The following SEPTIN6 variants were observed in gnomAD, a reference collection of about 807,000 sequenced individuals.
SEPTIN6 encodes the protein septin-6.
A neutral mutation model predicts 33.6 loss-of-function variants in SEPTIN6; 8 were observed. The observed-to-expected ratio is 0.24, with a 90% CI of 0.14 to 0.43. SEPTIN6 has a LOEUF of 0.43. Ranked by LOEUF, SEPTIN6 falls within the 20% of genes least tolerant of loss-of-function variation. The probability of loss-of-function intolerance (pLI) is 1.00; values close to 1 mark genes in which losing one functional copy is unlikely to be tolerated. For missense variants in SEPTIN6, 250 were observed against 340.8 expected (o/e 0.73, Z 2.10); for synonymous variants, 131 against 140.0 (o/e 0.94, Z 0.45).
At chrX:119,654,136 C>T (rs1445855977) in intron 3 of SEPTIN6, among the ~76,000 whole-genome samples, 2 of 111,285 alleles carry the variant, frequency 1.8e-5, no homozygotes, top group Non-Finnish European at 3.8e-5. Context: ...CCTCCGCACA[C>T]CCTGCACACA....
rs1395206214 is a variant in SEPTIN6, at chrX:119,619,367, C to T, written c.*726G>A. On this transcript the variant is annotated 3_prime_UTR_variant, in exon 11 of 11. Transcript: ENST00000394610. ...TTCTCCCTTTTGCATCTGTGGGATA[C>T]CCAGAGTTAGAGAGAGGGGAAACGT... The T allele has an allele frequency of 1.8e-5, 15 of 812,139 alleles. No individual in the cohort carries two copies. Among genetic ancestry groups the T allele is most frequent in the Non-Finnish European group, 2.2e-5 (15 of 676,004 alleles). 66.9% of individuals were successfully genotyped at this position (812,139 alleles called of 1,213,427 possible).
intron 7 of SEPTIN6, among the ~76,000 whole-genome samples, chrX:119,636,366 C>T (rs1252599352): frequency 3.6e-5 from 4 of 112,093 alleles, no homozygotes; most frequent in African/African-American, 9.7e-5. Flanking sequence ...TGGCGCATTA[C>T]TCCTCTCTGC....
At chrX:119,625,534 C>A in intron 9 of SEPTIN6, 155 bp from the exon 10 acceptor site, 1 of 425,660 alleles carries the variant, frequency 2.3e-6, no homozygotes. Flanking sequence ...ACCCCTGAAA[C>A]ACTGATACTC....
chrX:119,652,254 T>G (rs2054363380), intron 4 of SEPTIN6, among the ~76,000 whole-genome samples: 1 of 111,257 alleles, frequency 9.0e-6, no homozygotes, highest in Admixed American at 9.6e-5. Context: ...CAACGCCTGA[T>G]TCCCACAGCC....
chrX:119,691,950 T>C (rs2055179640), intron 1 of SEPTIN6, among the ~76,000 whole-genome samples: 1 of 111,607 alleles, frequency 9.0e-6, no homozygotes, highest in South Asian at 3.7e-4. Flanking sequence ...CAGATACCCA[T>C]GGATGAATAG....
At chrX:119,672,343 A>G (rs1354049099) in intron 2 of SEPTIN6, among the ~76,000 whole-genome samples, 1 of 111,625 alleles carries the variant, frequency 9.0e-6, no homozygotes, top group East Asian at 2.8e-4. Flanking sequence ...TAGCTGTACA[A>G]TGTCTAGGTG....
chrX:119,652,802 C>G (rs1458442441), intron 4 of SEPTIN6, 52 bp downstream of exon 4: 1 of 1,073,387 alleles, frequency 9.3e-7, no homozygotes, highest in African/African-American at 1.8e-5. Context: ...CTACTTTGCA[C>G]AAGAGATCAG....
At chrX:119,660,476 T>A (rs1184054402) in intron 3 of SEPTIN6, among the ~76,000 whole-genome samples, 4 of 112,178 alleles carry the variant, frequency 3.6e-5, no homozygotes, top group African/African-American at 1.3e-4. Flanking sequence ...ACAATAGGGA[T>A]ATCTTAAAAC....
At chrX:119,653,930 G>C (rs1178534311) in intron 3 of SEPTIN6, among the ~76,000 whole-genome samples, 1 of 110,733 alleles carries the variant, frequency 9.0e-6, no homozygotes, top group Non-Finnish European at 1.9e-5. Flanking sequence ...TTAGCCAGCT[G>C]TGGTAGCTCA....
At chrX:119,657,838 A>G (rs755370193) in intron 3 of SEPTIN6, among the ~76,000 whole-genome samples, 3 of 112,076 alleles carry the variant, frequency 2.7e-5, no homozygotes, top group Non-Finnish European at 3.8e-5. Context: ...AAGAACACCT[A>G]TTCTCGACCG....
chrX:119,663,456 C>A, intron 3 of SEPTIN6, 26 bp downstream of exon 3: 19 of 808,403 alleles, frequency 2.4e-5, no homozygotes, highest in Non-Finnish European at 2.9e-5. Context: ...CCTCCCCACC[C>A]TACCCCACCC....
chrX:119,665,601 A>C (rs1057381580), intron 2 of SEPTIN6, among the ~76,000 whole-genome samples: 2 of 111,592 alleles, frequency 1.8e-5, no homozygotes, highest in African/African-American at 6.5e-5. Context: ...AGCCACTGTC[A>C]GGAGCCAACA....
chrX:119,626,584 G>T (rs1006509273), intron 9 of SEPTIN6, among the ~76,000 whole-genome samples: 4 of 112,112 alleles, frequency 3.6e-5, no homozygotes, highest in Non-Finnish European at 5.6e-5. Flanking sequence ...TTTCTGGCTA[G>T]TTGAACTTTA....
chrX:119,642,033 G>A (rs931267150), intron 5 of SEPTIN6, among the ~76,000 whole-genome samples: 3 of 110,735 alleles, frequency 2.7e-5, no homozygotes, highest in Admixed American at 9.6e-5. Context: ...CCCTGGCCCC[G>A]GAGAGTGCAC....
At chrX:119,654,617 G>T (rs1389386128) in intron 3 of SEPTIN6, among the ~76,000 whole-genome samples, 2 of 111,813 alleles carry the variant, frequency 1.8e-5, no homozygotes, top group Non-Finnish European at 1.9e-5. Context: ...TTTTAAGAAA[G>T]AATCACAGGA....
At chrX:119,675,740 A>G (rs997636085) in intron 1 of SEPTIN6, 72 bp from the exon 2 acceptor site, 39 of 600,799 alleles carry the variant, frequency 6.5e-5, no homozygotes, top group South Asian at 6.0e-4. Flanking sequence ...TCTCCATCCA[A>G]ATGTTCGCTG....
In SEPTIN6 at chrX:119,618,369, G is replaced by A. The variant is rs1408962956; in HGVS notation, c.*1724C>T. On this transcript the variant is annotated 3_prime_UTR_variant, in exon 11 of 11. Transcript: ENST00000394610. ...ACCTATATTCTTGCTTTGTCAACAA[G>A]AAAAGTGCGTGCATATGTTTGCTTT... 1.6e-5 allele frequency: 13 copies of A among 819,683 alleles called. 1 individual carries two copies. The Middle Eastern group carries it at 2.9e-3, about 185-fold the overall frequency. 67.6% of individuals were successfully genotyped at this position (819,683 alleles called of 1,213,427 possible).
At chrX:119,639,818 C>CT (rs1207605817) in intron 6 of SEPTIN6, among the ~76,000 whole-genome samples, 158 of 109,734 alleles carry the variant, frequency 1.4e-3, no homozygotes, top group African/African-American at 4.8e-3. Context: ...TTCTTTCTTT[C>CT]TTTTTTTTTG....
chrX:119,686,451 G>A (rs959428383), intron 1 of SEPTIN6: 1 of 347,140 alleles, frequency 2.9e-6, no homozygotes, highest in Non-Finnish European at 4.8e-6. Context: ...TCTTTTCCCT[G>A]GTCACCTTTA....
Sources: allele counts gnomAD v4.1 joint callset (sites outside exome capture counted in the v4.1 genomes callset), GRCh38; gene constraint gnomAD v4.1.1; transcripts MANE v1.5; gene names NCBI Gene and HGNC (gene_info 2026-07-23, HGNC 2026-07-21).